The following KCNC2 variants were observed in gnomAD, a reference collection of about 807,000 sequenced individuals.
KCNC2 encodes the protein potassium voltage-gated channel subfamily C member 2.
In KCNC2, 21 loss-of-function variants were observed where a neutral mutation model predicts 44.5. The ratio of observed to expected loss-of-function variants is 0.47; its 90% CI spans 0.33 to 0.68. The LOEUF is 0.68. Ranked by LOEUF, KCNC2 falls within the 30% of genes least tolerant of loss-of-function variation. The probability of loss-of-function intolerance (pLI) is 0.01; values close to 1 mark genes in which losing one functional copy is unlikely to be tolerated. For missense variants in KCNC2, 589 were observed against 826.2 expected, an observed-to-expected ratio of 0.71 and a Z score of 3.52; for synonymous variants, 391 against 339.1, an observed-to-expected ratio of 1.15 and a Z score of -1.68.
Position 75,042,341 on chromosome 12 carries a change from G to A in KCNC2, c.*764C>T, listed in dbSNP as rs202018171. The A allele has an allele frequency of 7.5e-5, 121 of 1,611,810 alleles. No homozygotes were observed. The highest frequency in any genetic ancestry group is 1.1e-4 in the African/African-American group (8 of 74,692). ...AGTAAGAGATCTGGCCTCGGCTTGCGTGTAACCAGTAATGACAACCTCTTT... is the reference window on the plus strand; with the variant it reads ...AGTAAGAGATCTGGCCTCGGCTTGCATGTAACCAGTAATGACAACCTCTTT... On this transcript the variant is annotated 3_prime_UTR_variant, in exon 5 of 5. Coordinates refer to ENST00000549446, the MANE Select transcript of KCNC2 (RefSeq NM_139137.4).
At chr12:75,178,445 T>C (rs187825015) in intron 2 of KCNC2, among the ~76,000 whole-genome samples, 5 of 152,196 alleles carry the variant, frequency 3.3e-5, no homozygotes, top group Non-Finnish European at 5.9e-5. Flanking sequence ...TCAGTCACTA[T>C]TGATGCTGAA....
At chr12:75,190,614 C>A (rs1317079605) in intron 2 of KCNC2, among the ~76,000 whole-genome samples, 1 of 152,164 alleles carries the variant, frequency 6.6e-6, no homozygotes, top group Non-Finnish European at 1.5e-5. Context: ...GCTAAGATAA[C>A]TTTCTTATGT....
chr12:75,052,461 T>C (rs1881281478), intron 2 of KCNC2, among the ~76,000 whole-genome samples: 1 of 152,162 alleles, frequency 6.6e-6, no homozygotes, highest in African/African-American at 2.4e-5. Flanking sequence ...TGAATGGCAC[T>C]GTTATAGTCA....
intron 2 of KCNC2, among the ~76,000 whole-genome samples, chr12:75,178,269 T>G (rs1892330642): frequency 6.6e-6 from 1 of 152,024 alleles, no homozygotes; most frequent in Non-Finnish European, 1.5e-5. Context: ...AAATTAGCAC[T>G]GATGCATAGA....
In KCNC2 at chr12:75,043,207, C is replaced by T. The variant is rs113788635; in HGVS notation, c.1815G>A (p.Ala605=). ...GCCTCAGAGCATTGCCTGCCAAGCC[C>T]GCTATGTTGTTTAAGCTTCGGGATT... The part of the protein sequence containing the change: ...YEKSRSLNNI[A]GLAGNALRLS... Residue 605 remains alanine, a synonymous_variant, in exon 5 of 5, where the codon GCG becomes GCA. Coordinates refer to ENST00000549446, the MANE Select transcript of KCNC2 (RefSeq NM_139137.4). 1.4e-5 allele frequency: 23 copies of T among 1,612,070 alleles called. No individual in the cohort carries two copies. The highest frequency in any genetic ancestry group is 4.4e-5 in the South Asian group (4 of 91,062).
intron 2 of KCNC2, among the ~76,000 whole-genome samples, chr12:75,169,797 G>T (rs993488658): frequency 1.3e-5 from 2 of 151,572 alleles, no homozygotes; most frequent in African/African-American, 4.8e-5. Flanking sequence ...TTGCAAACAA[G>T]CATCTACATC....
In KCNC2 at chr12:75,042,326, C is replaced by T. The variant is rs200223782; in HGVS notation, c.*779G>A. ...TTCCCCAAGTCATTAAGTAAGAGAT[C>T]TGGCCTCGGCTTGCGTGTAACCAGT... On this transcript the variant is annotated 3_prime_UTR_variant, in exon 5 of 5. Coordinates refer to ENST00000549446, the MANE Select transcript of KCNC2 (RefSeq NM_139137.4). The T allele has an allele frequency of 5.6e-6, 9 of 1,611,796 alleles. No homozygotes were observed. The highest frequency in any genetic ancestry group is 7.6e-6 in the Non-Finnish European group (9 of 1,178,732).
chr12:75,195,861 T>G (rs546387792), intron 2 of KCNC2, among the ~76,000 whole-genome samples: 2 of 152,220 alleles, frequency 1.3e-5, no homozygotes, highest in Non-Finnish European at 2.9e-5. Context: ...AGAGAACTTG[T>G]CAAGCATTCC....
At chr12:75,151,408 C>A (rs1292166040) in intron 2 of KCNC2, among the ~76,000 whole-genome samples, 1 of 151,930 alleles carries the variant, frequency 6.6e-6, no homozygotes. Context: ...TGGCCCACTG[C>A]CAGTTGTCTG....
intron 2 of KCNC2, among the ~76,000 whole-genome samples, chr12:75,115,824 T>C (rs1321954693): frequency 6.6e-6 from 1 of 152,124 alleles, no homozygotes; most frequent in Non-Finnish European, 1.5e-5. Flanking sequence ...GAATGAGAGC[T>C]CTGGACACCC....
chr12:75,123,343 A>G (rs1888174172), intron 2 of KCNC2, among the ~76,000 whole-genome samples: 1 of 152,222 alleles, frequency 6.6e-6, no homozygotes, highest in Admixed American at 6.5e-5. Context: ...TTAATAGCAT[A>G]AAAATAGATA....
intron 2 of KCNC2, among the ~76,000 whole-genome samples, chr12:75,077,962 AT>A (rs1244633549): frequency 1.3e-5 from 2 of 152,112 alleles, no homozygotes; most frequent in East Asian, 3.9e-4. Flanking sequence ...CTACCAGGAA[AT>A]CCATAGTTAT....
At chr12:75,199,870 TA>T (rs1052628893) in intron 2 of KCNC2, among the ~76,000 whole-genome samples, 1 of 151,890 alleles carries the variant, frequency 6.6e-6, no homozygotes, top group Non-Finnish European at 1.5e-5. Context: ...TATCATTTCT[TA>T]ATTATCTAAA....
At chr12:75,116,903 A>G (rs1887698552) in intron 2 of KCNC2, among the ~76,000 whole-genome samples, 1 of 152,044 alleles carries the variant, frequency 6.6e-6, no homozygotes, top group African/African-American at 2.4e-5. Flanking sequence ...TCATCATCTC[A>G]CTTTAAAGGG....
chr12:75,147,851 G>A (rs1890131743), intron 2 of KCNC2, among the ~76,000 whole-genome samples: 1 of 152,116 alleles, frequency 6.6e-6, no homozygotes, highest in South Asian at 2.1e-4. Flanking sequence ...TTAGTGATCT[G>A]GAAGATATTT....
intron 2 of KCNC2, among the ~76,000 whole-genome samples, chr12:75,095,390 G>T (rs1284478445): frequency 6.6e-6 from 1 of 151,594 alleles, no homozygotes; most frequent in African/African-American, 2.4e-5. Context: ...ATTTTTAATA[G>T]AAGCCCCACA....
At chr12:75,071,137 A>T (rs2137034386) in intron 2 of KCNC2, among the ~76,000 whole-genome samples, 1 of 152,280 alleles carries the variant, frequency 6.6e-6, no homozygotes, top group African/African-American at 2.4e-5. Flanking sequence ...TTTGTGTCCC[A>T]CATTAAGGAC....
intron 2 of KCNC2, among the ~76,000 whole-genome samples, chr12:75,164,640 G>A (rs547833563): frequency 6.9e-4 from 104 of 151,660 alleles, no homozygotes; most frequent in African/African-American, 2.5e-3. Context: ...TCTTCAAGGC[G>A]GACATGAATG....
At chr12:75,092,455 A>G (rs751024294) in intron 2 of KCNC2, among the ~76,000 whole-genome samples, 1 of 151,714 alleles carries the variant, frequency 6.6e-6, no homozygotes, top group Non-Finnish European at 1.5e-5. Flanking sequence ...AAAATAGCTT[A>G]ATCAGTGTAA....
Sources: gnomAD v4.1 joint callset for allele counts (sites outside exome capture counted in the v4.1 genomes callset) on GRCh38, gnomAD v4.1.1 for gene constraint, MANE v1.5 for transcripts, NCBI Gene and HGNC (gene_info 2026-07-23, HGNC 2026-07-21) for gene names.